The following FTCDNL1 variants were observed in gnomAD, a reference collection of about 807,000 sequenced individuals.
The protein encoded by FTCDNL1 is formiminotransferase cyclodeaminase N-terminal like, also known as formiminotransferase N-terminal subdomain-containing protein.
A neutral mutation model predicts 5.9 loss-of-function variants in FTCDNL1; 11 were observed. That is an observed-to-expected ratio of 1.87 (90% confidence interval 1.18 to 3.10). The LOEUF (loss-of-function observed/expected upper bound fraction) is 3.10, where lower values mean the gene tolerates loss of function less well. FTCDNL1 is among the 30% of genes most tolerant of loss of function. The probability of loss-of-function intolerance (pLI) is 0.00; values close to 1 mark genes in which losing one functional copy is unlikely to be tolerated. For missense variants in FTCDNL1, 115 were observed against 65.5 expected (o/e 1.76, Z -2.61); for synonymous variants, 58 against 24.8 (o/e 2.34, Z -3.99).
intron 4 of FTCDNL1, among the ~76,000 whole-genome samples, chr2:199,813,681 G>T (rs573556513): frequency 6.6e-6 from 1 of 152,200 alleles, no homozygotes; most frequent in South Asian, 2.1e-4. Context: ...GGGAGGTCGA[G>T]GCAGGCGGAT....
chr2:199,799,866 A>G (rs1700357202), intron 3 of FTCDNL1, among the ~76,000 whole-genome samples: 1 of 152,198 alleles, frequency 6.6e-6, no homozygotes. Flanking sequence ...GAAAGGTGAG[A>G]AAGAAAGTGC....
the FTCDNL1 span, among the ~76,000 whole-genome samples, chr2:199,674,569 G>A: frequency 6.6e-6 from 1 of 152,202 alleles, no homozygotes. Context: ...CTGTGTTTCT[G>A]GCCACTTTCA....
chr2:199,773,017 G>A (rs1325628193), intron 3 of FTCDNL1, among the ~76,000 whole-genome samples: 2 of 152,138 alleles, frequency 1.3e-5, no homozygotes, highest in African/African-American at 2.4e-5. Flanking sequence ...TGGTTTTCTT[G>A]TCTTTTTTGT....
the FTCDNL1 span, among the ~76,000 whole-genome samples, chr2:199,729,457 C>G: frequency 6.6e-6 from 1 of 152,288 alleles, no homozygotes; most frequent in East Asian, 1.9e-4. Flanking sequence ...AAAACCCCAA[C>G]GTCTCAGCCC....
intron 3 of FTCDNL1, among the ~76,000 whole-genome samples, chr2:199,830,224 T>G (rs1252640654): frequency 6.6e-6 from 1 of 152,146 alleles, no homozygotes; most frequent in Non-Finnish European, 1.5e-5. Flanking sequence ...AATAAAAATT[T>G]CAGATGATAA....
chr2:199,666,696 C>A, the FTCDNL1 span, among the ~76,000 whole-genome samples: 6 of 152,102 alleles, frequency 3.9e-5, no homozygotes, highest in Non-Finnish European at 8.8e-5. Flanking sequence ...GTGGGCAGAT[C>A]ACAAGGTCAG....
chr2:199,817,500 T>C (rs1038225474), intron 4 of FTCDNL1, among the ~76,000 whole-genome samples: 3 of 152,096 alleles, frequency 2.0e-5, no homozygotes, highest in Admixed American at 6.6e-5. Flanking sequence ...GAGAATAAAA[T>C]CATGGGCCAG....
the FTCDNL1 span, among the ~76,000 whole-genome samples, chr2:199,677,289 A>C: frequency 6.6e-6 from 1 of 152,162 alleles, no homozygotes; most frequent in East Asian, 1.9e-4. Flanking sequence ...GACTAGGCAG[A>C]CCCCTGCCAC....
the FTCDNL1 span, among the ~76,000 whole-genome samples, chr2:199,693,246 T>C: frequency 5.9e-5 from 9 of 152,366 alleles, no homozygotes; most frequent in East Asian, 1.5e-3. Flanking sequence ...CCAATGATTA[T>C]GACGTATAGA....
At chr2:199,733,704 G>A in the FTCDNL1 span, among the ~76,000 whole-genome samples, 1 of 152,300 alleles carries the variant, frequency 6.6e-6, no homozygotes, top group South Asian at 2.1e-4. Flanking sequence ...CAGAAGCACA[G>A]CACCTCAAAA....
intron 3 of FTCDNL1, among the ~76,000 whole-genome samples, chr2:199,822,727 T>C (rs1398069811): frequency 6.6e-6 from 1 of 152,250 alleles, no homozygotes; most frequent in Admixed American, 6.5e-5. Context: ...TGTAATATTC[T>C]AAATCTTGTG....
rs1329654802 is a variant in FTCDNL1, at chr2:199,810,470, T to C, written c.*2235A>G. On this transcript the variant is annotated 3_prime_UTR_variant, in exon 5 of 5. Transcript: ENST00000420128. ...CACAGACTTATAAACCTCGTGCCTT[T>C]CTCTTTGTGAAACCTGTTGGAGGCA... 6.6e-6 allele frequency among the ~76,000 whole-genome samples: 1 copy of C among 152,106 alleles called. No homozygotes were observed. The highest frequency in any genetic ancestry group is 2.4e-5 in the African/African-American group (1 of 41,432).
the FTCDNL1 span, among the ~76,000 whole-genome samples, chr2:199,673,189 G>A: frequency 1.4e-5 from 2 of 147,518 alleles, no homozygotes; most frequent in Non-Finnish European, 3.0e-5. Context: ...TTATCTGGGT[G>A]TGGTGGCATG....
intron 3 of FTCDNL1, among the ~76,000 whole-genome samples, chr2:199,778,032 C>T (rs1469105570): frequency 6.6e-6 from 1 of 152,074 alleles, no homozygotes; most frequent in Admixed American, 6.5e-5. Context: ...GAAACATTAA[C>T]CAAAGTAGGT....
intron 3 of FTCDNL1, among the ~76,000 whole-genome samples, chr2:199,773,733 A>G (rs1217052789): frequency 6.6e-6 from 1 of 152,180 alleles, no homozygotes; most frequent in Non-Finnish European, 1.5e-5. Flanking sequence ...TGTCCAATAA[A>G]CCATCTCCAT....
chr2:199,766,046 C>T (rs1336686050), intron 3 of FTCDNL1, among the ~76,000 whole-genome samples: 1 of 152,156 alleles, frequency 6.6e-6, no homozygotes, highest in Non-Finnish European at 1.5e-5. Flanking sequence ...ACTATCTTTG[C>T]TACTTTCCTC....
At position 199,786,642 on chromosome 2, in the gene FTCDNL1, A is replaced by G. The variant is rs144391394; in HGVS notation, c.212-25807T>C. ...GACACCTATTTAACATACATTTACC[A>G]TATTTCATCAAATTTACAGTACATA... On this transcript the variant is annotated intron_variant, in intron 3 of 3. Coordinates refer to the FTCDNL1 transcript ENST00000416668. Among the ~76,000 whole-genome samples, 5 of 152,330 alleles carry G rather than the reference A, an allele frequency of 3.3e-5. No individual in the cohort carries two copies. In the East Asian group the frequency reaches 9.6e-4, roughly 29 times the overall value.
At chr2:199,848,684 C>G (rs976343920) in intron 2 of FTCDNL1, among the ~76,000 whole-genome samples, 164 bp downstream of exon 2, 3 of 152,226 alleles carry the variant, frequency 2.0e-5, no homozygotes, top group Non-Finnish European at 4.4e-5. Context: ...ACTGAGCTAT[C>G]TCAGTATCCT....
Position 199,848,878 on chromosome 2 carries a change from T to G in FTCDNL1, c.85A>C (p.Ile29Leu). The G allele has an allele frequency of 1.4e-6, 1 of 702,224 alleles. No homozygotes were observed. The highest frequency in any genetic ancestry group is 1.5e-5 in the South Asian group (1 of 67,562). The allele number at this position is 702,224 out of a possible 1,614,324, so 43.5% of individuals were successfully genotyped here. ...TTGTCAAGAAGAGCTGCTTTTGCTATGTTCTCAACAATGTATTTTCTTCCG... is the reference window on the plus strand; with the variant it reads ...TTGTCAAGAAGAGCTGCTTTTGCTAGGTTCTCAACAATGTATTTTCTTCCG... ...EAGRKYIVEN[I>L]AKAALLDKNG... The change falls in exon 2 of 5, where the codon ATA (isoleucine) becomes CTA (leucine). Residue 29 changes from isoleucine (I) to leucine (L), a missense_variant. Physicochemically the swap from Ile to Leu is conservative, Grantham distance 5 (BLOSUM62 2). Coordinates refer to ENST00000420128, the MANE Select transcript of FTCDNL1 (RefSeq NM_001363886.2).
Sources: allele counts gnomAD v4.1 joint callset (sites outside exome capture counted in the v4.1 genomes callset), GRCh38; gene constraint gnomAD v4.1.1; transcripts MANE v1.5; gene names NCBI Gene and HGNC (gene_info 2026-07-23, HGNC 2026-07-21).